The following GRIP1 variants were observed in gnomAD, a reference collection of about 807,000 sequenced individuals.
GRIP1 encodes the protein glutamate receptor interacting protein 1, also known as glutamate receptor-interacting protein 1.
A neutral mutation model predicts 129.9 loss-of-function variants in GRIP1; 45 were observed. The ratio of observed to expected loss-of-function variants is 0.35; its 90% confidence interval spans 0.27 to 0.44. The LOEUF (loss-of-function observed/expected upper bound fraction) is 0.44, where lower values mean the gene tolerates loss of function less well. Ranked by LOEUF, GRIP1 falls within the 20% of genes least tolerant of loss-of-function variation. GRIP1 has a pLI of 1.00. For synonymous variants in GRIP1, 530 were observed against 520.8 expected (o/e 1.02, Z -0.24); for missense variants, 1,196 against 1,396.8 (o/e 0.86, Z 2.29).
chr12:66,757,977 C>T (rs1454916665), intron 1 of GRIP1, among the ~76,000 whole-genome samples: 1 of 151,388 alleles, frequency 6.6e-6, no homozygotes, highest in African/African-American at 2.4e-5. Context: ...TTATTTTTAC[C>T]CAAATAAATC....
intron 2 of GRIP1, among the ~76,000 whole-genome samples, chr12:66,582,232 A>G (rs187952225): frequency 0.033 from 4,868 of 147,852 alleles, 150 homozygotes; most frequent in Middle Eastern, 0.051. Context: ...CACTCAATAA[A>G]TTAGGTATTG....
At chr12:66,735,662 C>G (rs539791999) in intron 1 of GRIP1, among the ~76,000 whole-genome samples, 33 of 152,072 alleles carry the variant, frequency 2.2e-4, no homozygotes, top group African/African-American at 8.0e-4. Context: ...AACCTGAGAA[C>G]AAAGGTGACA....
intron 14 of GRIP1, among the ~76,000 whole-genome samples, chr12:66,431,068 T>C (rs541312611): frequency 1.1e-3 from 162 of 152,288 alleles, no homozygotes; most frequent in African/African-American, 3.4e-3. Flanking sequence ...TGGATTGGAA[T>C]AAACAAAAGA....
intron 1 of GRIP1, among the ~76,000 whole-genome samples, chr12:66,598,012 GC>G (rs1302450637): frequency 1.3e-5 from 2 of 151,868 alleles, no homozygotes; most frequent in Non-Finnish European, 2.9e-5. Flanking sequence ...GTCACTGCTG[GC>G]CACGCTATAA....
intron 1 of GRIP1, among the ~76,000 whole-genome samples, chr12:66,948,328 T>G (rs1418149860): frequency 6.6e-6 from 1 of 152,234 alleles, no homozygotes; most frequent in Admixed American, 6.5e-5. Flanking sequence ...TTCCTTCTTC[T>G]GTTCATTCTT....
intron 1 of GRIP1, among the ~76,000 whole-genome samples, chr12:66,650,582 C>A (rs1307583176): frequency 6.6e-6 from 1 of 152,156 alleles, no homozygotes; most frequent in African/African-American, 2.4e-5. Flanking sequence ...ACACTGTGAT[C>A]AAGAATACCT....
At chr12:66,557,652 G>T (rs985360916) in intron 2 of GRIP1, among the ~76,000 whole-genome samples, 23 of 152,106 alleles carry the variant, frequency 1.5e-4, no homozygotes, top group African/African-American at 5.6e-4. Context: ...CTAGAAATCA[G>T]TAACAAGAGG....
intron 1 of GRIP1, among the ~76,000 whole-genome samples, chr12:66,623,145 T>C (rs2065348242): frequency 6.6e-6 from 1 of 152,160 alleles, no homozygotes; most frequent in South Asian, 2.1e-4. Flanking sequence ...AAGTTTTCTG[T>C]TTCTAGAAGT....
chr12:66,689,181 T>A (rs944337087), intron 1 of GRIP1, among the ~76,000 whole-genome samples: 9 of 152,188 alleles, frequency 5.9e-5, no homozygotes, highest in African/African-American at 2.2e-4. Context: ...GGAAGGATCA[T>A]GGGATCCCTC....
At chr12:66,623,449 A>G (rs2065361559) in intron 1 of GRIP1, among the ~76,000 whole-genome samples, 1 of 152,172 alleles carries the variant, frequency 6.6e-6, no homozygotes, top group South Asian at 2.1e-4. Flanking sequence ...ATCAGTCTGT[A>G]TCATCTCTTG....
intron 1 of GRIP1, among the ~76,000 whole-genome samples, chr12:66,631,634 G>A (rs1018358912): frequency 8.6e-5 from 13 of 151,902 alleles, no homozygotes; most frequent in African/African-American, 2.4e-4. Flanking sequence ...TTTTTAATAC[G>A]ATGCCCATCT....
chr12:66,864,703 G>T lies in GRIP1; in HGVS notation c.58+204347C>A, dbSNP rs2040172458. 2.6e-5 allele frequency among the ~76,000 whole-genome samples: 4 copies of T among 152,208 alleles called. No individual in the cohort carries two copies. The South Asian group carries it at 6.2e-4, about 24-fold the overall frequency. ...AGCCTGGGTGACAGAGAGAGACCCTGTCTCTGAAAAATAAAATATAAGACC... is the reference window on the plus strand; with the variant it reads ...AGCCTGGGTGACAGAGAGAGACCCTTTCTCTGAAAAATAAAATATAAGACC... On this transcript the variant is annotated intron_variant, in intron 1 of 1. Coordinates refer to the GRIP1 transcript ENST00000643019.
chr12:66,703,000 G>A (rs548853577), intron 1 of GRIP1, among the ~76,000 whole-genome samples: 5 of 152,252 alleles, frequency 3.3e-5, no homozygotes, highest in South Asian at 2.1e-4. Context: ...CTACCTTCAC[G>A]GGACCTTTGG....
At chr12:66,950,367 T>C (rs1204850517) in intron 1 of GRIP1, among the ~76,000 whole-genome samples, 2 of 152,222 alleles carry the variant, frequency 1.3e-5, no homozygotes, top group East Asian at 1.9e-4. Context: ...TAAATAAGTA[T>C]TCTAGCCCCT....
In GRIP1 at chr12:66,510,339, A is replaced by G. The variant is rs565911658; in HGVS notation, c.724+5280T>C. On this transcript the variant is annotated intron_variant, in intron 7 of 24. Coordinates refer to ENST00000359742, the MANE Select transcript of GRIP1 (RefSeq NM_001366722.1). ...CTGGTTAACTACTGGATGGTCTCAG[A>G]GCTCAGTCCTTGGGCCTCTCTCTTC... Among the ~76,000 whole-genome samples the G allele has an allele frequency of 1.5e-4, 23 of 152,232 alleles. No homozygotes were observed. In the East Asian group the frequency reaches 3.9e-3, roughly 26 times the overall value.
intron 7 of GRIP1, among the ~76,000 whole-genome samples, chr12:66,466,081 T>C (rs1189495279): frequency 2.0e-5 from 3 of 152,220 alleles, no homozygotes; most frequent in African/African-American, 7.2e-5. Flanking sequence ...CATATATGCT[T>C]TATTTTTGGC....
intron 1 of GRIP1, among the ~76,000 whole-genome samples, chr12:66,864,328 G>C (rs1185503598): frequency 2.1e-5 from 3 of 144,692 alleles, no homozygotes; most frequent in African/African-American, 5.1e-5. Context: ...TTATTAACTT[G>C]ACACTCCATA....
At chr12:66,942,646 T>C (rs2041605648) in intron 1 of GRIP1, among the ~76,000 whole-genome samples, 1 of 152,206 alleles carries the variant, frequency 6.6e-6, no homozygotes, top group Non-Finnish European at 1.5e-5. Flanking sequence ...TGTGCTATGA[T>C]ACTGAAGACT....
intron 1 of GRIP1, among the ~76,000 whole-genome samples, chr12:66,609,106 G>A (rs2064679052): frequency 6.6e-6 from 1 of 151,926 alleles, no homozygotes; most frequent in Non-Finnish European, 1.5e-5. Context: ...TACTAAAACT[G>A]AATCTCTGTA....
Sources: gnomAD v4.1 joint callset for allele counts (sites outside exome capture counted in the v4.1 genomes callset) on GRCh38, gnomAD v4.1.1 for gene constraint, MANE v1.5 for transcripts, NCBI Gene and HGNC (gene_info 2026-07-23, HGNC 2026-07-21) for gene names.